TRPM8: variants seen among roughly 807,000 people sequenced by gnomAD.
TRPM8 encodes the protein TRPM8 cationic channel.
TRPM8 carries 110 observed loss-of-function variants against 133.7 expected under a neutral mutation model. The ratio of observed to expected loss-of-function variants is 0.82; its 90% CI spans 0.70 to 0.96. TRPM8 has a LOEUF of 0.96. TRPM8 is among the 40% of genes least tolerant of loss of function. TRPM8 has a pLI of 0.00. For synonymous variants in TRPM8, 535 were observed against 532.3 expected, an observed-to-expected ratio of 1.01 and a Z score of -0.07; for missense variants, 1,291 against 1,379.5, an observed-to-expected ratio of 0.94 and a Z score of 1.02.
At chr2:233,956,868 A>G (rs1449018258) in intron 11 of TRPM8, among the ~76,000 whole-genome samples, 3 of 152,180 alleles carry the variant, frequency 2.0e-5, no homozygotes, top group African/African-American at 4.8e-5. Flanking sequence ...GGTCCAGTCA[A>G]TTGATTCATA....
intron 6 of TRPM8, chr2:233,943,016 A>G (rs2125104971): frequency 1.8e-6 from 1 of 568,704 alleles, no homozygotes; most frequent in Admixed American, 3.0e-5. Context: ...TTTATTCTTC[A>G]TAACTATGGC....
chr2:233,993,471 T>C (rs1692331698), intron 21 of TRPM8, among the ~76,000 whole-genome samples: 1 of 152,188 alleles, frequency 6.6e-6, no homozygotes, highest in African/African-American at 2.4e-5. Context: ...GCTAGGGTCA[T>C]TGGTCAGATG....
intron 11 of TRPM8, among the ~76,000 whole-genome samples, chr2:233,956,655 G>T (rs151039019): frequency 6.6e-6 from 1 of 152,266 alleles, no homozygotes; most frequent in Non-Finnish European, 1.5e-5. Context: ...GCCTATTGTT[G>T]TATAATCAAA....
chr2:233,965,043 CT>C (rs1278573034), intron 14 of TRPM8, among the ~76,000 whole-genome samples: 2 of 85,008 alleles, frequency 2.4e-5, no homozygotes, highest in African/African-American at 7.0e-5. Context: ...CACTGGACTA[CT>C]TTTTTTTGTG....
chr2:234,003,987 C>T (rs146416853), intron 22 of TRPM8, among the ~76,000 whole-genome samples: 12 of 152,182 alleles, frequency 7.9e-5, no homozygotes, highest in Non-Finnish European at 1.3e-4. Context: ...TTACATTCCC[C>T]TAAAACTTAA....
At chr2:234,006,072 A>G (rs1444604372) in intron 22 of TRPM8, among the ~76,000 whole-genome samples, 1 of 152,150 alleles carries the variant, frequency 6.6e-6, no homozygotes, top group Non-Finnish European at 1.5e-5. Flanking sequence ...AAACTCTAAC[A>G]TGTTGATGAA....
chr2:233,990,784 G>A (rs1692256712), intron 21 of TRPM8, among the ~76,000 whole-genome samples: 1 of 152,084 alleles, frequency 6.6e-6, no homozygotes, highest in Non-Finnish European at 1.5e-5. Flanking sequence ...TCCTGTCAAG[G>A]GAGGCTCTGA....
chr2:233,927,843 C>CCTTTCTCTTTCTTT (rs1559516380), intron 2 of TRPM8, among the ~76,000 whole-genome samples: 1 of 56,362 alleles, frequency 1.8e-5, no homozygotes, highest in Admixed American at 2.0e-4. Context: ...TTCCTTCCTT[C>CCTTTCTCTTTCTTT]CTTCCTTCCT....
chr2:234,000,086 G>GATTTATTTATTT (rs3078202), intron 22 of TRPM8, among the ~76,000 whole-genome samples: 10,267 of 144,160 alleles, frequency 0.071, 478 homozygotes, highest in Admixed American at 0.12. Context: ...CAATGTGGAT[G>GATTTATTTATTT]ATTTATTTAT....
chr2:233,921,609 C>T (rs147418794), intron 1 of TRPM8, among the ~76,000 whole-genome samples: 8 of 151,774 alleles, frequency 5.3e-5, no homozygotes, highest in African/African-American at 1.2e-4. Flanking sequence ...CCAGAGGTGC[C>T]GAACAGAAAC....
chr2:233,942,509 C>T (rs1690934550), intron 5 of TRPM8, 67 bp from the exon 6 acceptor site: 1 of 1,537,302 alleles, frequency 6.5e-7, no homozygotes, highest in Non-Finnish European at 9.0e-7. Flanking sequence ...TTTTAGGGGT[C>T]TGTGAGCCCA....
At chr2:233,926,740 G>A (rs1691525609) in intron 2 of TRPM8, 86 bp downstream of exon 2, 2 of 1,020,732 alleles carry the variant, frequency 2.0e-6, no homozygotes, top group East Asian at 2.4e-5. Context: ...TTGACTTTTA[G>A]AACATTTTAA....
chr2:233,935,613 T>G (rs1690710491), intron 3 of TRPM8, among the ~76,000 whole-genome samples: 1 of 152,240 alleles, frequency 6.6e-6, no homozygotes, highest in South Asian at 2.1e-4. Flanking sequence ...CCTGTTTCAG[T>G]GACCAAACAT....
At chr2:233,927,924 TTCTCTC>T (rs1178731456) in intron 2 of TRPM8, among the ~76,000 whole-genome samples, 375 of 28,036 alleles carry the variant, frequency 0.013, 43 homozygotes, top group East Asian at 0.017. Context: ...CTCTCTCTCT[TTCTCTC>T]TCTCTCTCTC....
At chr2:234,009,445 C>A (rs1692776629) in intron 24 of TRPM8, among the ~76,000 whole-genome samples, 1 of 152,158 alleles carries the variant, frequency 6.6e-6, no homozygotes, top group Non-Finnish European at 1.5e-5. Flanking sequence ...AGGGCAGCAA[C>A]AGTGGATGCA....
In TRPM8 at chr2:233,946,005, G is replaced by T. The variant is rs1470824655; in HGVS notation, c.849G>T (p.Lys283Asn). The change falls in exon 7 of 26, where the codon AAG becomes AAT. Residue 283 changes from lysine to asparagine, a missense_variant. Physicochemically the swap from Lys to Asn is moderately conservative, Grantham distance 94. Around this residue, in one of 2 missense-constraint regions of TRPM8, gnomAD observed 963 missense variants for 968.9 expected, o/e 0.99. Transcript: ENST00000324695. ...CAAAGCTCCGGAATCAGCTAGAGAA[G>T]TATATCTCTGAGCGCACTATTCAAG... ...VEAKLRNQLEKYISERTIQDS... is the reference protein window; with the variant it reads ...VEAKLRNQLENYISERTIQDS... 3 of 1,614,012 alleles carry T rather than the reference G, an allele frequency of 1.9e-6. No individual in the cohort carries two copies. Among genetic ancestry groups the T allele is most frequent in the Non-Finnish European group, 2.5e-6 (3 of 1,179,988 alleles).
intron 1 of TRPM8, 130 bp from the exon 2 acceptor site, chr2:233,926,403 G>A (rs1342928032): frequency 1.1e-5 from 8 of 705,076 alleles, no homozygotes; most frequent in African/African-American, 5.2e-5. Flanking sequence ...ATGGTGGGCC[G>A]AATGGAGCAT....
At chr2:233,955,278 C>T in intron 11 of TRPM8, 28 bp downstream of exon 11, 1 of 1,565,854 alleles carries the variant, frequency 6.4e-7, no homozygotes, top group Non-Finnish European at 8.8e-7. Context: ...CTGGGTTATT[C>T]CAGTGTTGGG....
At chr2:233,978,087 T>TTA (rs1691914166) in intron 17 of TRPM8, among the ~76,000 whole-genome samples, 4 of 152,124 alleles carry the variant, frequency 2.6e-5, no homozygotes, top group Non-Finnish European at 5.9e-5. Flanking sequence ...TTTGCTTTTT[T>TTA]TTTTTTTTAG....
Sources: gnomAD v4.1 joint callset for allele counts (sites outside exome capture counted in the v4.1 genomes callset) on GRCh38, gnomAD v4.1.1 for gene constraint, gnomAD v4.1.1 regional missense constraint, MANE v1.5 for transcripts, NCBI Gene and HGNC (gene_info 2026-07-23, HGNC 2026-07-21) for gene names.